TCTN3: variants seen among roughly 807,000 people sequenced by gnomAD.
TCTN3 encodes tectonic-3.
TCTN3 carries 57 observed loss-of-function variants against 71.3 expected under a neutral mutation model. The observed-to-expected ratio is 0.80, with a 90% CI of 0.65 to 1.00. The LOEUF is 1.00. Ranked by LOEUF, TCTN3 falls within the 50% of genes least tolerant of loss-of-function variation. The pLI, the probability that TCTN3 is intolerant of heterozygous loss-of-function variation, is 0.00. For missense variants in TCTN3, 696 were observed against 719.9 expected, an observed-to-expected ratio of 0.97 and a Z score of 0.38; for synonymous variants, 258 against 267.8, an observed-to-expected ratio of 0.96 and a Z score of 0.36.
intron 3 of TCTN3, 94 bp from the exon 4 acceptor site, chr10:95,687,813 C>T (rs2097949921): frequency 6.3e-6 from 9 of 1,418,422 alleles, no homozygotes; most frequent in Non-Finnish European, 8.5e-6. Context: ...GCATAATATA[C>T]AGGGTGCAAA....
In TCTN3 at chr10:95,679,615, G is replaced by A. The variant is rs1304534165; in HGVS notation, c.1590+857C>T. Among the ~76,000 whole-genome samples the A allele has an allele frequency of 2.5e-4, 32 of 129,978 alleles. No homozygotes were observed. In the East Asian group the frequency reaches 4.3e-3, roughly 17 times the overall value. The allele number at this position is 129,978 out of a possible 152,430, so 85.3% of individuals were successfully genotyped here. On this transcript the variant is annotated intron_variant, in intron 13 of 13. Coordinates refer to ENST00000371217, the MANE Select transcript of TCTN3 (RefSeq NM_015631.6). Reference sequence around the variant, plus strand: ...TTTTTTTTTTTTTTTTTTTTGAGACGGAGTCTCGCTCTGTCGCCCAGGCTG... The same window carrying A: ...TTTTTTTTTTTTTTTTTTTTGAGACAGAGTCTCGCTCTGTCGCCCAGGCTG...
intron 13 of TCTN3, among the ~76,000 whole-genome samples, chr10:95,677,744 G>A (rs1029316043): frequency 6.6e-6 from 1 of 152,084 alleles, no homozygotes; most frequent in Admixed American, 6.6e-5. Context: ...ATGGTGAAGG[G>A]CGGGTTGGCT....
At chr10:95,686,460 T>A in intron 7 of TCTN3, 35 bp downstream of exon 7, 3 of 1,612,088 alleles carry the variant, frequency 1.9e-6, no homozygotes, top group Non-Finnish European at 1.7e-6. Context: ...AGCCAAATAT[T>A]CTTTTTCTTT....
At chr10:95,692,709 G>C (rs940013093) in intron 3 of TCTN3, among the ~76,000 whole-genome samples, 2 of 152,192 alleles carry the variant, frequency 1.3e-5, no homozygotes, top group African/African-American at 4.8e-5. Flanking sequence ...GACGGCTTAT[G>C]AATGCAGCCC....
intron 13 of TCTN3, among the ~76,000 whole-genome samples, chr10:95,666,534 G>T (rs1054954841): frequency 3.9e-5 from 6 of 152,222 alleles, no homozygotes; most frequent in Non-Finnish European, 8.8e-5. Flanking sequence ...TTATAATGGG[G>T]AGAGGACATA....
chr10:95,682,619 G>A, intron 12 of TCTN3, 32 bp downstream of exon 12: 1 of 1,598,044 alleles, frequency 6.3e-7, no homozygotes, highest in Non-Finnish European at 8.5e-7. Flanking sequence ...GTAAAAATGA[G>A]TCTTCATCAG....
intron 13 of TCTN3, among the ~76,000 whole-genome samples, chr10:95,674,139 AATCT>A (rs2097934350): frequency 6.6e-6 from 1 of 152,194 alleles, no homozygotes; most frequent in African/African-American, 2.4e-5. Context: ...GTCTGCATTA[AATCT>A]ATAGATCCAT....
rs1566070283 is a variant in TCTN3, at chr10:95,680,477, T to C, written c.1585A>G (p.Ile529Val). The C allele has an allele frequency of 3.7e-6, 6 of 1,613,774 alleles. No individual in the cohort carries two copies. The highest frequency in any genetic ancestry group is 1.7e-5 in the Admixed American group (1 of 59,946). ...GVRFLYQCQSIQDSQQVTEVS... is the reference protein window; with the variant it reads ...GVRFLYQCQSVQDSQQVTEVS... ...CTTTATGAGCCATGACTTACCTGTA[T>C]AGACTGGCACTGGTATAGGAATCGA... The change falls in exon 13 of 14, where the codon ATA becomes GTA. Residue 529 changes from isoleucine to valine, a missense_variant. Physicochemically the swap from Ile to Val is conservative, Grantham distance 29 (BLOSUM62 3). Coordinates refer to ENST00000371217, the MANE Select transcript of TCTN3 (RefSeq NM_015631.6).
At position 95,693,700 on chromosome 10, in the gene TCTN3, A is replaced by G. The variant is rs753495921; in HGVS notation, c.200T>C (p.Val67Ala). The G allele has an allele frequency of 2.6e-6, 4 of 1,551,558 alleles. No individual in the cohort carries two copies. Among genetic ancestry groups the G allele is most frequent in the Non-Finnish European group, 3.5e-6 (4 of 1,147,004 alleles). The change falls in exon 1 of 14, where the codon GTC (valine) becomes GCC (alanine). Residue 67 changes from valine (V) to alanine (A), a missense_variant. Transcript: ENST00000371217. Reference sequence around the variant, plus strand: ...GGCCGAGGGAGTCACGAGAGTAGGGACCACTGTAGGGAGTCCAGGCACGGC... The same window carrying G: ...GGCCGAGGGAGTCACGAGAGTAGGGGCCACTGTAGGGAGTCCAGGCACGGC... ...RPAVPGLPTV[V>A]PTLVTPSAPG...
intron 13 of TCTN3, among the ~76,000 whole-genome samples, chr10:95,674,559 A>G (rs1326195758): frequency 6.6e-6 from 1 of 152,144 alleles, no homozygotes; most frequent in African/African-American, 2.4e-5. Flanking sequence ...AATAGTGTCT[A>G]CCTTTTCATG....
chr10:95,681,626 T>C (rs900607576), intron 12 of TCTN3, among the ~76,000 whole-genome samples: 10 of 152,214 alleles, frequency 6.6e-5, no homozygotes, highest in African/African-American at 2.2e-4. Context: ...GAGGATTAAT[T>C]GCAAAATGCA....
intron 13 of TCTN3, among the ~76,000 whole-genome samples, chr10:95,670,457 T>A (rs1275184464): frequency 2.6e-5 from 4 of 151,348 alleles, no homozygotes; most frequent in African/African-American, 4.9e-5. Flanking sequence ...CTCTTCTGGC[T>A]CAGGTGATTC....
intron 3 of TCTN3, among the ~76,000 whole-genome samples, chr10:95,690,384 T>A (rs2097952436): frequency 6.6e-6 from 1 of 152,198 alleles, no homozygotes; most frequent in East Asian, 1.9e-4. Flanking sequence ...CATAAACTAA[T>A]AACAATATAA....
intron 13 of TCTN3, among the ~76,000 whole-genome samples, chr10:95,669,549 A>G (rs2097928783): frequency 6.6e-6 from 1 of 152,178 alleles, no homozygotes; most frequent in Non-Finnish European, 1.5e-5. Flanking sequence ...TTCTACACAG[A>G]TTAGAACTGT....
chr10:95,672,125 TTC>T (rs1195166204), intron 13 of TCTN3, among the ~76,000 whole-genome samples: 1 of 124,636 alleles, frequency 8.0e-6, no homozygotes, highest in African/African-American at 2.8e-5. Context: ...AGTAACCACT[TTC>T]TGACTTTTAT....
At chr10:95,686,716 C>A (rs2097948646) in intron 6 of TCTN3, among the ~76,000 whole-genome samples, 186 bp from the exon 7 acceptor site, 1 of 152,186 alleles carries the variant, frequency 6.6e-6, no homozygotes, top group Non-Finnish European at 1.5e-5. Flanking sequence ...TGGAGCCAGG[C>A]AGGAGGGTGA....
intron 7 of TCTN3, 87 bp from the exon 8 acceptor site, chr10:95,685,723 T>A (rs2097947644): frequency 1.8e-6 from 2 of 1,083,222 alleles, no homozygotes; most frequent in South Asian, 2.9e-5. Flanking sequence ...AAGATGAGTA[T>A]TTTTCCTTCC....
At chr10:95,671,252 T>C (rs115521657) in intron 13 of TCTN3, among the ~76,000 whole-genome samples, 1 of 152,244 alleles carries the variant, frequency 6.6e-6, no homozygotes, top group Non-Finnish European at 1.5e-5. Context: ...AGTTCTGTTA[T>C]GTATGGTTGA....
Position 95,680,547 on chromosome 10 carries a change from T to G in TCTN3, c.1515A>C (p.Ala505=). ...GCGGGTTGGACAGGAGACCTACATA[T>G]GCCCACAATACCTGGATCTCCAGGG... ...PVSLEIQVLW[A]YVGLLSNPQA... The change falls in exon 13 of 14, where the codon GCA becomes GCC. Residue 505 remains alanine (A), a synonymous_variant. Transcript: ENST00000371217. 1 of 1,614,158 alleles carries G rather than the reference T, an allele frequency of 6.2e-7. No individual in the cohort carries two copies. Among genetic ancestry groups the G allele is most frequent in the Non-Finnish European group, 8.5e-7 (1 of 1,180,026 alleles).
Sources: allele counts gnomAD v4.1 joint callset (sites outside exome capture counted in the v4.1 genomes callset), GRCh38; gene constraint gnomAD v4.1.1; transcripts MANE v1.5; gene names NCBI Gene and HGNC (gene_info 2026-07-23, HGNC 2026-07-21).